GLT1D1: variants seen among roughly 807,000 people sequenced by gnomAD.
The protein encoded by GLT1D1 is glycosyltransferase 1 domain-containing protein 1.
GLT1D1 carries 21 observed loss-of-function variants against 28.7 expected under a neutral mutation model. The ratio of observed to expected loss-of-function variants is 0.73; its 90% CI spans 0.52 to 1.05. The LOEUF (loss-of-function observed/expected upper bound fraction) is 1.05, where lower values mean the gene tolerates loss of function less well. Among genes scored for constraint, GLT1D1 ranks in the 50% least tolerant of loss-of-function variants. GLT1D1 has a pLI of 0.00. For missense variants in GLT1D1, 343 were observed against 330.6 expected, an observed-to-expected ratio of 1.04 and a Z score of -0.29; for synonymous variants, 147 against 124.8, an observed-to-expected ratio of 1.18 and a Z score of -1.19.
chr12:128,947,867 G>A (rs1313880804), intron 6 of GLT1D1, among the ~76,000 whole-genome samples: 1 of 152,158 alleles, frequency 6.6e-6, no homozygotes, highest in African/African-American at 2.4e-5. Flanking sequence ...TTAAGGGAGG[G>A]GAAGAAAGGG....
In GLT1D1 at chr12:128,914,838, G is replaced by GTAA. The variant is rs910582635; in HGVS notation, c.375+15564_375+15566dup. 7 of 850,210 alleles carry GTAA rather than the reference G, an allele frequency of 8.2e-6. No homozygotes were observed. In the African/African-American group the frequency reaches 1.0e-4, roughly 12 times the overall value. 52.7% of individuals were successfully genotyped at this position (850,210 alleles called of 1,614,324 possible). A position where few individuals can be genotyped will look rare whatever the true frequency, so the allele number is the denominator to read the frequency against. ...CTGTCTCAAAATAATAAGAATAATAGTAATAATAATAATAAGCCTCAACAC... is the reference window on the plus strand; with the variant it reads ...CTGTCTCAAAATAATAAGAATAATAGTAATAATAATAATAATAAGCCTCAACAC... On this transcript the variant is annotated intron_variant, in intron 4 of 7. Coordinates refer to ENST00000281703, the MANE Select transcript of GLT1D1 (RefSeq NM_144669.3).
At chr12:128,956,841 G>A (rs1168160421) in intron 6 of GLT1D1, among the ~76,000 whole-genome samples, 2 of 152,174 alleles carry the variant, frequency 1.3e-5, no homozygotes, top group Non-Finnish European at 2.9e-5. Flanking sequence ...GTCCCGCTGT[G>A]GTCAGTGGGA....
chr12:128,866,793 A>G (rs1049373962), intron 1 of GLT1D1, among the ~76,000 whole-genome samples: 3 of 151,752 alleles, frequency 2.0e-5, no homozygotes, highest in African/African-American at 7.3e-5. Context: ...GCTAATTCTT[A>G]TATTTTTAGT....
chr12:128,874,057 CTCCT>C (rs1956774691), intron 1 of GLT1D1, among the ~76,000 whole-genome samples: 2 of 52,158 alleles, frequency 3.8e-5, no homozygotes, highest in African/African-American at 9.0e-5. Context: ...CCCTCCCTCC[CTCCT>C]TTCTTTCTTT....
chr12:128,957,072 G>A (rs971278312), intron 6 of GLT1D1, among the ~76,000 whole-genome samples: 1 of 152,324 alleles, frequency 6.6e-6, no homozygotes, highest in East Asian at 1.9e-4. Context: ...AGTCGGCTTC[G>A]TGAATAATCA....
At chr12:128,928,967 T>C (rs1389652960) in intron 4 of GLT1D1, among the ~76,000 whole-genome samples, 1 of 152,126 alleles carries the variant, frequency 6.6e-6, no homozygotes, top group Non-Finnish European at 1.5e-5. Context: ...GGCCTGAGTG[T>C]GTGCATCCCT....
chr12:128,879,442 C>CTTTCTTTCTT (rs1956973814), intron 2 of GLT1D1, among the ~76,000 whole-genome samples: 1 of 104,170 alleles, frequency 9.6e-6, no homozygotes, highest in Non-Finnish European at 2.0e-5. Context: ...TTCTTTCTTT[C>CTTTCTTTCTT]TTTCTTTCTT....
intron 4 of GLT1D1, chr12:128,944,758 C>T (rs890612749): frequency 5.3e-5 from 27 of 512,430 alleles, no homozygotes; most frequent in Non-Finnish European, 7.6e-5. Flanking sequence ...GGATGAGTTT[C>T]CCTTGGTCAA....
chr12:128,924,869 C>T (rs1011586283), intron 4 of GLT1D1, among the ~76,000 whole-genome samples: 2 of 152,262 alleles, frequency 1.3e-5, no homozygotes, highest in South Asian at 2.1e-4. Context: ...CCACTGACAG[C>T]CATTGGAAGT....
At chr12:128,869,742 C>T (rs1205056247) in intron 1 of GLT1D1, among the ~76,000 whole-genome samples, 1 of 152,020 alleles carries the variant, frequency 6.6e-6, no homozygotes, top group Non-Finnish European at 1.5e-5. Context: ...GGGCCTGACC[C>T]TGCAGATGGG....
At chr12:128,875,835 A>AT in intron 1 of GLT1D1, 79 bp from the exon 2 acceptor site, 1 of 1,262,198 alleles carries the variant, frequency 7.9e-7, no homozygotes, top group Non-Finnish European at 1.1e-6. Flanking sequence ...AAAAAAAAAA[A>AT]GTCTTAACTG....
intron 6 of GLT1D1, among the ~76,000 whole-genome samples, chr12:128,956,780 T>C (rs1877355849): frequency 6.6e-6 from 1 of 152,258 alleles, no homozygotes; most frequent in African/African-American, 2.4e-5. Flanking sequence ...TTTTGAAATT[T>C]AGTGTGTTAC....
intron 7 of GLT1D1, 108 bp downstream of exon 11, chr12:128,957,751 G>A (rs112528058): frequency 0.02 from 14,229 of 700,036 alleles, 244 homozygotes; most frequent in Middle Eastern, 0.068. Context: ...TGTCCTACCC[G>A]GAGCCCTGCG....
intron 4 of GLT1D1, 22 bp from the exon 6 acceptor site, chr12:128,914,911 T>A: frequency 6.5e-7 from 1 of 1,529,214 alleles, no homozygotes; most frequent in South Asian, 1.2e-5. Context: ...GAACTTGCCC[T>A]TTTTTTGTTT....
intron 6 of GLT1D1, among the ~76,000 whole-genome samples, chr12:128,952,092 C>T (rs1000987063): frequency 6.6e-6 from 1 of 152,028 alleles, no homozygotes; most frequent in African/African-American, 2.4e-5. Context: ...CTGGAGATGC[C>T]GCAGCGGACA....
intron 3 of GLT1D1, among the ~76,000 whole-genome samples, chr12:128,891,018 A>G (rs1868987429): frequency 6.6e-6 from 1 of 151,996 alleles, no homozygotes; most frequent in Non-Finnish European, 1.5e-5. Context: ...CAACAGCAAC[A>G]ACAACAAAAG....
At chr12:128,878,474 A>G (rs1048730245) in intron 2 of GLT1D1, among the ~76,000 whole-genome samples, 1 of 152,208 alleles carries the variant, frequency 6.6e-6, no homozygotes, top group Non-Finnish European at 1.5e-5. Flanking sequence ...GGGAGAATAT[A>G]TTTGTGCTTC....
chr12:128,908,346 C>T (rs933106632), intron 4 of GLT1D1, among the ~76,000 whole-genome samples: 4 of 116,776 alleles, frequency 3.4e-5, no homozygotes, highest in Non-Finnish European at 5.2e-5. Flanking sequence ...TTCTTTCTTT[C>T]CCTTTCTTTC....
intron 1 of GLT1D1, among the ~76,000 whole-genome samples, chr12:128,855,229 A>AG (rs1361336924): frequency 6.9e-6 from 1 of 144,658 alleles, no homozygotes; most frequent in Non-Finnish European, 1.5e-5. Flanking sequence ...CATCTAAAAA[A>AG]AAAAAAAAAA....
Sources: allele counts gnomAD v4.1 joint callset (sites outside exome capture counted in the v4.1 genomes callset), GRCh38; gene constraint gnomAD v4.1.1; transcripts MANE v1.5; gene names NCBI Gene and HGNC (gene_info 2026-07-23, HGNC 2026-07-21).